RNF150: variants seen among roughly 807,000 people sequenced by gnomAD.
RNF150 encodes ring finger protein 150.
A neutral mutation model predicts 39.3 loss-of-function variants in RNF150; 24 were observed. The ratio of observed to expected loss-of-function variants is 0.61; its 90% CI spans 0.44 to 0.86. The LOEUF is 0.86. Ranked by LOEUF, RNF150 falls within the 40% of genes least tolerant of loss-of-function variation. The pLI is 0.00. For missense variants in RNF150, 502 were observed against 587.8 expected (o/e 0.85, Z 1.51); for synonymous variants, 255 against 227.3 (o/e 1.12, Z -1.10).
At chr4:141,017,888 T>C (rs577174201) in intron 1 of RNF150, among the ~76,000 whole-genome samples, 1 of 152,346 alleles carries the variant, frequency 6.6e-6, no homozygotes, top group South Asian at 2.1e-4. Context: ...ACAATTTATT[T>C]ATCCATTCAC....
At chr4:141,145,337 A>AT (rs1727181750) in intron 1 of RNF150, among the ~76,000 whole-genome samples, 1 of 151,792 alleles carries the variant, frequency 6.6e-6, no homozygotes. Context: ...TTTACTTAAC[A>AT]TAACATTAAG....
intron 6 of RNF150, among the ~76,000 whole-genome samples, chr4:140,887,022 G>A (rs1469933688): frequency 3.2e-4 from 48 of 152,184 alleles, no homozygotes; most frequent in Non-Finnish European, 7.4e-5. Context: ...TTGTAATTAA[G>A]TTCTTGAATT....
chr4:141,136,985 A>G (rs1266470193), upstream of RNF150, among the ~76,000 whole-genome samples: 1 of 152,230 alleles, frequency 6.6e-6, no homozygotes, highest in Non-Finnish European at 1.5e-5. Flanking sequence ...GTACAAGTAC[A>G]ATCTGAGTAT....
At chr4:140,958,442 T>C (rs1049660808) in intron 2 of RNF150, among the ~76,000 whole-genome samples, 44 of 152,266 alleles carry the variant, frequency 2.9e-4, no homozygotes, top group African/African-American at 8.9e-4. Context: ...CTCAATGCCA[T>C]TGAGGTGGCT....
chr4:141,101,291 C>T (rs1053980998), intron 1 of RNF150, among the ~76,000 whole-genome samples: 1 of 152,100 alleles, frequency 6.6e-6, no homozygotes, highest in South Asian at 2.1e-4. Flanking sequence ...TATACTTTGT[C>T]TATTTTTAAA....
At chr4:141,013,107 G>A (rs567932895) in intron 1 of RNF150, among the ~76,000 whole-genome samples, 2 of 152,208 alleles carry the variant, frequency 1.3e-5, no homozygotes, top group South Asian at 2.1e-4. Flanking sequence ...ACTAAAGCAT[G>A]TTTTTTACAA....
At chr4:141,027,541 C>A (rs899683418) in intron 1 of RNF150, among the ~76,000 whole-genome samples, 8 of 152,120 alleles carry the variant, frequency 5.3e-5, no homozygotes, top group Non-Finnish European at 7.4e-5. Context: ...GGCACACAGA[C>A]AACATTTCCC....
chr4:141,066,079 C>T (rs4403123), intron 1 of RNF150, among the ~76,000 whole-genome samples: 125,485 of 151,842 alleles, frequency 0.83, 52,193 homozygotes, highest in Non-Finnish European at 0.88. Flanking sequence ...CACTATTTGA[C>T]TCATCTGATC....
intron 1 of RNF150, among the ~76,000 whole-genome samples, chr4:140,998,766 T>A (rs900725750): frequency 4.6e-5 from 7 of 152,312 alleles, no homozygotes; most frequent in Middle Eastern, 3.4e-3. Context: ...ACCTGCACCA[T>A]CATGTGAACT....
At chr4:141,081,785 T>C (rs1349908874) in intron 1 of RNF150, among the ~76,000 whole-genome samples, 1 of 152,236 alleles carries the variant, frequency 6.6e-6, no homozygotes, top group African/African-American at 2.4e-5. Flanking sequence ...TTTTCATGTA[T>C]GTTTAAAGAA....
chr4:140,974,746 TGTGA>T (rs1239187440), intron 1 of RNF150, among the ~76,000 whole-genome samples: 4 of 152,196 alleles, frequency 2.6e-5, no homozygotes, highest in African/African-American at 9.6e-5. Context: ...CTTCATTCAT[TGTGA>T]GTGACTTCTA....
chr4:141,050,669 T>C (rs1333338955), intron 1 of RNF150, among the ~76,000 whole-genome samples: 1 of 152,192 alleles, frequency 6.6e-6, no homozygotes, highest in Non-Finnish European at 1.5e-5. Flanking sequence ...TACATCCAGG[T>C]CATACTGATG....
intron 5 of RNF150, among the ~76,000 whole-genome samples, chr4:140,915,039 G>T (rs2111285412): frequency 6.6e-6 from 1 of 152,286 alleles, no homozygotes; most frequent in East Asian, 1.9e-4. Flanking sequence ...TTTGCGAGTT[G>T]ATACTATTCA....
intron 6 of RNF150, 38 bp downstream of exon 6, chr4:140,911,106 C>G: frequency 6.5e-7 from 1 of 1,532,098 alleles, no homozygotes; most frequent in Non-Finnish European, 9.0e-7. Flanking sequence ...AGGCAACAGT[C>G]CTTCTGGCTA....
chr4:141,173,110 A>G (rs1296496774), intron 1 of RNF150, among the ~76,000 whole-genome samples: 1 of 151,976 alleles, frequency 6.6e-6, no homozygotes, highest in Non-Finnish European at 1.5e-5. Flanking sequence ...TTCAAGAGAG[A>G]CGCTACCTCC....
chr4:141,025,424 T>C (rs1257085122), intron 1 of RNF150, among the ~76,000 whole-genome samples: 1 of 152,110 alleles, frequency 6.6e-6, no homozygotes, highest in Non-Finnish European at 1.5e-5. Flanking sequence ...TTAAGAATTA[T>C]GTTGAAATAA....
chr4:141,027,935 T>TTG (rs1560696725), intron 1 of RNF150, among the ~76,000 whole-genome samples: 4 of 122,608 alleles, frequency 3.3e-5, no homozygotes, highest in African/African-American at 1.2e-4. Context: ...TGTTTTTTTT[T>TTG]TTTTTTTTTT....
intron 1 of RNF150, among the ~76,000 whole-genome samples, chr4:141,071,928 C>T (rs1215251619): frequency 2.0e-5 from 3 of 152,126 alleles, no homozygotes; most frequent in Admixed American, 1.3e-4. Context: ...GAATCAAGTG[C>T]AGATGTGAGA....
intron 1 of RNF150, among the ~76,000 whole-genome samples, chr4:140,994,956 A>T (rs1446333089): frequency 6.6e-6 from 1 of 152,204 alleles, no homozygotes; most frequent in Non-Finnish European, 1.5e-5. Flanking sequence ...GGTATTTATA[A>T]CTTCAGCATT....
Sources: allele counts gnomAD v4.1 joint callset (sites outside exome capture counted in the v4.1 genomes callset), GRCh38; gene constraint gnomAD v4.1.1; transcripts MANE v1.5; gene names NCBI Gene and HGNC (gene_info 2026-07-23, HGNC 2026-07-21).